Variants in INPP4B observed in about 807,000 individuals in gnomAD.
INPP4B encodes the protein inositol polyphosphate-4-phosphatase type II B, also known as inositol polyphosphate 4-phosphatase type II.
In INPP4B, 55 loss-of-function variants were observed where a neutral mutation model predicts 122.5. The ratio of observed to expected loss-of-function variants is 0.45; its 90% CI spans 0.36 to 0.56. The LOEUF (loss-of-function observed/expected upper bound fraction) is 0.56. INPP4B is among the 20% of genes least tolerant of loss of function. INPP4B has a pLI of 0.00. For missense variants in INPP4B, 1,000 were observed against 1,097.7 expected, an observed-to-expected ratio of 0.91 and a Z score of 1.26; for synonymous variants, 403 against 388.7, an observed-to-expected ratio of 1.04 and a Z score of -0.43.
chr4:142,327,129 C>T (rs900062998), intron 7 of INPP4B, among the ~76,000 whole-genome samples: 2 of 151,964 alleles, frequency 1.3e-5, no homozygotes, highest in African/African-American at 4.8e-5. Flanking sequence ...AAAACACCAT[C>T]GTTAGGTATT....
At chr4:142,768,034 T>C (rs907960635) in intron 1 of INPP4B, 1 of 152,138 alleles carries the variant, frequency 6.6e-6, no homozygotes, top group African/African-American at 2.4e-5. Context: ...ATGGCTGAAA[T>C]ATGAGTTATG....
At chr4:142,118,424 T>A (rs541983705) in intron 21 of INPP4B, among the ~76,000 whole-genome samples, 1 of 152,124 alleles carries the variant, frequency 6.6e-6, no homozygotes, top group Non-Finnish European at 1.5e-5. Flanking sequence ...CAAAACAGCA[T>A]GGTACTGGTA....
intron 2 of INPP4B, among the ~76,000 whole-genome samples, chr4:142,526,252 A>C (rs1338804218): frequency 2.0e-5 from 3 of 152,084 alleles, no homozygotes; most frequent in Non-Finnish European, 4.4e-5. Context: ...TTTATCTTAA[A>C]AACAAATTTC....
At chr4:142,254,503 G>T (rs1411623058) in intron 11 of INPP4B, among the ~76,000 whole-genome samples, 3 of 152,104 alleles carry the variant, frequency 2.0e-5, no homozygotes, top group African/African-American at 7.2e-5. Context: ...ACAGAGAAGT[G>T]CTTAAAGGAG....
chr4:142,518,035 T>C (rs562757435), intron 2 of INPP4B, among the ~76,000 whole-genome samples: 2 of 152,270 alleles, frequency 1.3e-5, no homozygotes, highest in African/African-American at 4.8e-5. Flanking sequence ...GCACATAACA[T>C]GTACCAGCAG....
intron 21 of INPP4B, among the ~76,000 whole-genome samples, chr4:142,121,332 A>C (rs1223159146): frequency 6.6e-6 from 1 of 152,054 alleles, no homozygotes; most frequent in African/African-American, 2.4e-5. Context: ...ACAGGAAAAC[A>C]AGTTTACTTT....
At chr4:142,572,634 C>T (rs1002190011) in intron 2 of INPP4B, among the ~76,000 whole-genome samples, 14 of 151,836 alleles carry the variant, frequency 9.2e-5, no homozygotes, top group African/African-American at 2.2e-4. Context: ...TTTCAGAAAA[C>T]GGAATTTTTT....
chr4:142,449,254 C>T (rs558599594), intron 3 of INPP4B, among the ~76,000 whole-genome samples: 1 of 152,158 alleles, frequency 6.6e-6, no homozygotes, highest in African/African-American at 2.4e-5. Flanking sequence ...AGCAAACAGA[C>T]AGAGAAGACC....
At chr4:142,614,284 A>G (rs1743223675) in intron 2 of INPP4B, among the ~76,000 whole-genome samples, 2 of 152,298 alleles carry the variant, frequency 1.3e-5, no homozygotes, top group Admixed American at 1.3e-4. Flanking sequence ...TGTCAAAAAT[A>G]TACTCTAGGG....
At position 142,290,195 on chromosome 4, in the gene INPP4B, C is replaced by CTTTTTTT. The variant is rs35260066; in HGVS notation, c.503+15256_503+15262dup. Among the ~76,000 whole-genome samples, 23 of 77,504 alleles carry CTTTTTTT rather than the reference C, an allele frequency of 3.0e-4. 1 individual carries two copies. Among genetic ancestry groups the CTTTTTTT allele is most frequent in the African/African-American group, 5.3e-4 (8 of 15,140 alleles). The allele number at this position is 77,504 out of a possible 152,430, so 50.8% of individuals were successfully genotyped here. On this transcript the variant is annotated intron_variant, in intron 9 of 25. Coordinates refer to ENST00000262992, the MANE Select transcript of INPP4B (RefSeq NM_001101669.3). ...CCACCTTGGCCTTATTTCTTTCTTC[C>CTTTTTTT]TTTTTTTTTTTTTTTTTTTTTTTTT...
intron 22 of INPP4B, 84 bp downstream of exon 22, chr4:142,112,458 A>T: frequency 7.7e-7 from 1 of 1,293,846 alleles, no homozygotes; most frequent in Non-Finnish European, 1.1e-6. Flanking sequence ...TGTTAGTTCT[A>T]CATGCAGATA....
Position 142,132,263 on chromosome 4 carries a change from A to G in INPP4B, c.1721-7503T>C, listed in dbSNP as rs542564334. On this transcript the variant is annotated intron_variant, in intron 18 of 25. Transcript: ENST00000262992. ...ATATGTTTGTAGAGAATAAGATTGG[A>G]GAAGGTTTTTTTTTTTCTTGGAGAG... Among the ~76,000 whole-genome samples the G allele has an allele frequency of 1.8e-4, 28 of 152,086 alleles. No individual in the cohort carries two copies. The South Asian group carries it at 5.8e-3, about 32-fold the overall frequency.
At chr4:142,223,383 T>C (rs1044233238) in intron 12 of INPP4B, among the ~76,000 whole-genome samples, 2 of 152,212 alleles carry the variant, frequency 1.3e-5, no homozygotes, top group African/African-American at 4.8e-5. Flanking sequence ...AAGTAGTAGA[T>C]ATATATTTTG....
At chr4:142,092,129 G>A (rs1484915022) in intron 23 of INPP4B, among the ~76,000 whole-genome samples, 3 of 152,206 alleles carry the variant, frequency 2.0e-5, no homozygotes, top group Non-Finnish European at 4.4e-5. Flanking sequence ...TTCCAGCTGA[G>A]TGAAGCTCCT....
At position 142,145,963 on chromosome 4, in the gene INPP4B, T is replaced by A. The variant is rs1425177405; in HGVS notation, c.1597A>T (p.Asn533Tyr). Reference protein sequence around the residue: ...RVWANVGKSLNCIIAMVDKLI... With the variant: ...RVWANVGKSLYCIIAMVDKLI... ...TTGTCCACCATAGCAATAATGCAGT[T>A]CAGGCTCTTCCCCACATTGGCCCAC... is the stretch of plus-strand genomic sequence containing the variant. The change falls in exon 18 of 26, where the codon AAC becomes TAC. Residue 533 changes from asparagine (N) to tyrosine (Y), a missense_variant. Coordinates refer to ENST00000262992, the MANE Select transcript of INPP4B (RefSeq NM_001101669.3). 1 of 1,613,652 alleles carries A rather than the reference T, an allele frequency of 6.2e-7. No homozygotes were observed. The highest frequency in any genetic ancestry group is 1.3e-5 in the African/African-American group (1 of 74,906).
intron 1 of INPP4B, among the ~76,000 whole-genome samples, chr4:142,749,328 T>C (rs1046916524): frequency 6.7e-6 from 1 of 148,234 alleles, no homozygotes; most frequent in Non-Finnish European, 1.5e-5. Context: ...ATATATATGG[T>C]AAGACAATAC....
chr4:142,190,616 A>G (rs1835354796), intron 15 of INPP4B, among the ~76,000 whole-genome samples: 1 of 152,166 alleles, frequency 6.6e-6, no homozygotes, highest in South Asian at 2.1e-4. Context: ...TATTTTATCC[A>G]TAAAGCAATG....
At chr4:142,588,873 A>C (rs1459930524) in intron 2 of INPP4B, among the ~76,000 whole-genome samples, 2 of 151,944 alleles carry the variant, frequency 1.3e-5, no homozygotes, top group African/African-American at 2.4e-5. Flanking sequence ...GAGTCAAAGA[A>C]ATAGAATAGT....
chr4:142,295,616 C>T (rs2636645), intron 9 of INPP4B, among the ~76,000 whole-genome samples: 97,799 of 152,102 alleles, frequency 0.64, 32,773 homozygotes, highest in East Asian at 0.89. Flanking sequence ...ATGAAAGCTT[C>T]TTGCATTCAA....
Sources: gnomAD v4.1 joint callset for allele counts (sites outside exome capture counted in the v4.1 genomes callset) on GRCh38, gnomAD v4.1.1 for gene constraint, MANE v1.5 for transcripts, NCBI Gene and HGNC (gene_info 2026-07-23, HGNC 2026-07-21) for gene names.